The following GRIN2A variants were observed in gnomAD, a reference collection of about 807,000 sequenced individuals.
GRIN2A encodes the protein glutamate receptor ionotropic, NMDA 2A.
GRIN2A carries 22 observed loss-of-function variants against 113.4 expected under a neutral mutation model. That is an observed-to-expected ratio of 0.19 (90% CI 0.14 to 0.28). GRIN2A has a LOEUF of 0.28. Ranked by LOEUF, GRIN2A falls within the 10% of genes least tolerant of loss-of-function variation. The pLI is 1.00. For synonymous variants in GRIN2A, 827 were observed against 738.4 expected (o/e 1.12, Z -1.94); for missense variants, 1,502 against 1,887.0 (o/e 0.80, Z 3.78).
intron 2 of GRIN2A, among the ~76,000 whole-genome samples, chr16:9,945,261 C>G (rs964174113): frequency 6.6e-6 from 1 of 152,110 alleles, no homozygotes; most frequent in Admixed American, 6.5e-5. Context: ...TCTAGGTCAT[C>G]TGATCTGCTA....
intron 2 of GRIN2A, among the ~76,000 whole-genome samples, chr16:10,011,769 C>T (rs3905836): frequency 0.3 from 46,292 of 151,964 alleles, 8,105 homozygotes; most frequent in Non-Finnish European, 0.39. Flanking sequence ...TGCTTTGTGG[C>T]GGGATGACGT....
At chr16:9,847,216 A>G (rs965168600) in intron 5 of GRIN2A, among the ~76,000 whole-genome samples, 3 of 152,150 alleles carry the variant, frequency 2.0e-5, no homozygotes, top group African/African-American at 7.2e-5. Context: ...TGTGGGGGGA[A>G]GGAAAGGGAC....
chr16:9,858,394 A>T (rs1005322027), intron 4 of GRIN2A, among the ~76,000 whole-genome samples: 17 of 152,120 alleles, frequency 1.1e-4, no homozygotes, highest in Admixed American at 5.9e-4. Flanking sequence ...TCTATTATGA[A>T]TTTTTTTGGT....
intron 2 of GRIN2A, among the ~76,000 whole-genome samples, chr16:10,163,146 TG>T (rs1311871384): frequency 6.6e-6 from 1 of 152,172 alleles, no homozygotes; most frequent in Non-Finnish European, 1.5e-5. Flanking sequence ...GGGAATCTCT[TG>T]CCCTAGAAGA....
At chr16:10,020,614 A>T (rs909588258) in intron 2 of GRIN2A, among the ~76,000 whole-genome samples, 3 of 152,172 alleles carry the variant, frequency 2.0e-5, no homozygotes, top group Non-Finnish European at 4.4e-5. Context: ...GATTCAAGAG[A>T]GTCATACTAG....
Position 10,180,372 on chromosome 16 carries a change from C to CCGGCAGCACCAGCAGGGT in GRIN2A, c.22_39dup (p.Thr8_Pro13dup). On this transcript the variant is annotated inframe_insertion, in exon 2 of 13. Coordinates refer to ENST00000330684, the MANE Select transcript of GRIN2A (RefSeq NM_001134407.3). The surrounding 1 kb of genome is among the most constrained non-coding windows in gnomAD (Gnocchi z 7.0). ...GCCGGACCGCGCCAGACCAGAAGGGCCGGCAGCACCAGCAGGGTCCAATAG... is the reference window on the plus strand; with the variant it reads ...GCCGGACCGCGCCAGACCAGAAGGGCCGGCAGCACCAGCAGGGTCGGCAGCACCAGCAGGGTCCAATAG... 1 of 1,607,950 alleles carries CCGGCAGCACCAGCAGGGT rather than the reference C, an allele frequency of 6.2e-7. No individual in the cohort carries two copies. Among genetic ancestry groups the CCGGCAGCACCAGCAGGGT allele is most frequent in the Non-Finnish European group, 8.5e-7 (1 of 1,179,864 alleles).
At chr16:10,020,038 A>T (rs35724428) in intron 2 of GRIN2A, among the ~76,000 whole-genome samples, 46,473 of 152,152 alleles carry the variant, frequency 0.31, 8,137 homozygotes, top group Non-Finnish European at 0.39. Context: ...AAAACATCAC[A>T]TTGTACACCT....
At chr16:9,771,190 T>G (rs2141157231) in intron 11 of GRIN2A, among the ~76,000 whole-genome samples, 1 of 151,380 alleles carries the variant, frequency 6.6e-6, no homozygotes, top group East Asian at 1.9e-4. Flanking sequence ...TGGTATATAA[T>G]AGTCCCATCT....
intron 2 of GRIN2A, among the ~76,000 whole-genome samples, chr16:10,042,983 AC>A (rs2047192852): frequency 6.6e-6 from 1 of 152,210 alleles, no homozygotes; most frequent in Admixed American, 6.5e-5. Flanking sequence ...ACTTTGATCT[AC>A]GTCAGAGTTT....
intron 2 of GRIN2A, among the ~76,000 whole-genome samples, chr16:10,162,542 GATGGCCATCCTCTCCCTGTGTCTTCAC>G (rs1440338282): frequency 6.6e-6 from 1 of 152,226 alleles, no homozygotes; most frequent in African/African-American, 2.4e-5. Context: ...TTGGCATACA[GATGGCCATCCTCTCCCTGTGTCTTCAC>G]ATGGTCCTCC....
intron 3 of GRIN2A, among the ~76,000 whole-genome samples, chr16:9,914,870 T>G (rs1302876724): frequency 7.6e-6 from 1 of 131,714 alleles, no homozygotes; most frequent in Non-Finnish European, 1.6e-5. Flanking sequence ...AAGGGGCATA[T>G]GTTTCCATTT....
intron 2 of GRIN2A, among the ~76,000 whole-genome samples, chr16:9,952,474 A>G (rs1316048992): frequency 7.2e-5 from 11 of 152,272 alleles, no homozygotes; most frequent in African/African-American, 2.6e-4. Flanking sequence ...AAAAAAGAAA[A>G]AAGAGCCAGA....
intron 5 of GRIN2A, among the ~76,000 whole-genome samples, chr16:9,846,983 G>A (rs904091294): frequency 6.6e-6 from 1 of 152,126 alleles, no homozygotes; most frequent in African/African-American, 2.4e-5. Flanking sequence ...CCTCATAATG[G>A]ACAATGCCAG....
chr16:9,754,477 T>A lies in GRIN2A; in HGVS notation c.*8672A>T, dbSNP rs1019714834. On this transcript the variant is annotated 3_prime_UTR_variant, in exon 13 of 13. Transcript: ENST00000330684. ...GTGAAAAATTTGGGGAACATGAATG[T>A]TAAAAGTTCCACTTTCATCTTTTCA... 3 of 210,726 alleles carry A rather than the reference T, an allele frequency of 1.4e-5. No homozygotes were observed. The highest frequency in any genetic ancestry group is 2.9e-5 in the Non-Finnish European group (3 of 103,948). 13.1% of individuals were successfully genotyped at this position (210,726 alleles called of 1,614,324 possible). A position where few individuals can be genotyped will look rare whatever the true frequency, so the allele number is the denominator to read the frequency against.
intron 11 of GRIN2A, among the ~76,000 whole-genome samples, chr16:9,796,489 A>G (rs1425864553): frequency 2.6e-5 from 4 of 152,088 alleles, no homozygotes; most frequent in Non-Finnish European, 5.9e-5. Flanking sequence ...GACCTATCTC[A>G]TGAAAGGCAG....
In GRIN2A at chr16:9,821,356, G is replaced by A. The variant is rs180942413; in HGVS notation, c.2168+908C>T. Reference sequence around the variant, plus strand: ...TGGGTCTACATCCAGGACACACTCCGTGCTTCCTACGAGAATGATTCCTAG... The same window carrying A: ...TGGGTCTACATCCAGGACACACTCCATGCTTCCTACGAGAATGATTCCTAG... On this transcript the variant is annotated intron_variant, in intron 10 of 12. Coordinates refer to ENST00000330684, the MANE Select transcript of GRIN2A (RefSeq NM_001134407.3). 3.0e-3 allele frequency among the ~76,000 whole-genome samples: 450 copies of A among 152,124 alleles called. 2 individuals are homozygous for A. The highest frequency in any genetic ancestry group is 0.01 in the African/African-American group (417 of 41,506).
At chr16:9,934,678 TAAAAAAAAAAAAAA>T (rs33916243) in intron 3 of GRIN2A, among the ~76,000 whole-genome samples, 6 of 50,942 alleles carry the variant, frequency 1.2e-4, no homozygotes, top group Non-Finnish European at 1.7e-4. Context: ...AGACTCTGTC[TAAAAAAAAAAAAAA>T]AAAAAAAAAA....
intron 4 of GRIN2A, among the ~76,000 whole-genome samples, chr16:9,871,616 T>C (rs981066607): frequency 6.6e-6 from 1 of 152,176 alleles, no homozygotes; most frequent in African/African-American, 2.4e-5. Context: ...AGCTATGAAG[T>C]GGCTGGGTGA....
chr16:9,920,096 C>T (rs1288593516), intron 3 of GRIN2A, among the ~76,000 whole-genome samples: 4 of 152,184 alleles, frequency 2.6e-5, no homozygotes, highest in African/African-American at 9.6e-5. Context: ...AGAATAGGAG[C>T]TTTGAGCAGC....
Sources: gnomAD v4.1 joint callset for allele counts (sites outside exome capture counted in the v4.1 genomes callset) on GRCh38, gnomAD v4.1.1 for gene constraint, Gnocchi (gnomAD v3.1) non-coding constraint, MANE v1.5 for transcripts, NCBI Gene and HGNC (gene_info 2026-07-23, HGNC 2026-07-21) for gene names.